The following DPRX variants were observed in gnomAD, a reference collection of about 807,000 sequenced individuals.
DPRX encodes divergent-paired related homeobox.
DPRX carries 11 observed loss-of-function variants against 8.4 expected under a neutral mutation model. The observed-to-expected ratio is 1.31, with a 90% confidence interval of 0.82 to 2.17. DPRX has a LOEUF of 2.17. Ranked by LOEUF, DPRX falls within the 30% of genes most tolerant of loss-of-function variation. The probability of loss-of-function intolerance (pLI) is 0.00; values close to 1 mark genes in which losing one functional copy is unlikely to be tolerated. For synonymous variants in DPRX, 72 were observed against 87.0 expected, an observed-to-expected ratio of 0.83 and a Z score of 0.96; for missense variants, 211 against 236.7, an observed-to-expected ratio of 0.89 and a Z score of 0.71.
the DPRX span, among the ~76,000 whole-genome samples, chr19:53,625,443 TCTC>T: frequency 3.3e-5 from 5 of 152,080 alleles, no homozygotes; most frequent in African/African-American, 9.6e-5. Flanking sequence ...CTTCGTCTCT[TCTC>T]CTGCTACCCT....
At chr19:53,637,003 C>A in exon 3 of DPRX, 1 of 1,578,486 alleles carries the variant, frequency 6.3e-7, no homozygotes, top group South Asian at 1.2e-5. Context: ...TACAAAAAGT[C>A]ACATGTTGTA....
the DPRX span, among the ~76,000 whole-genome samples, chr19:53,618,736 GC>G: frequency 1.3e-5 from 2 of 148,948 alleles, no homozygotes; most frequent in Admixed American, 1.3e-4. Context: ...AGGCTGGAGT[GC>G]AGTGGCACTA....
chr19:53,621,530 T>G, the DPRX span, among the ~76,000 whole-genome samples: 5 of 152,140 alleles, frequency 3.3e-5, no homozygotes. Flanking sequence ...GCATGGTGGC[T>G]CACGTCTATA....
At chr19:53,601,582 A>G in the DPRX span, among the ~76,000 whole-genome samples, 1 of 151,486 alleles carries the variant, frequency 6.6e-6, no homozygotes, top group Non-Finnish European at 1.5e-5. Context: ...CCTGGGTTCA[A>G]GCGATTCTCC....
upstream of DPRX, among the ~76,000 whole-genome samples, chr19:53,631,036 G>A (rs1315130442): frequency 6.6e-6 from 1 of 151,728 alleles, no homozygotes; most frequent in Non-Finnish European, 1.5e-5. Context: ...TAGTAGAGAT[G>A]GGGTTTCGCC....
chr19:53,622,416 C>T, the DPRX span, among the ~76,000 whole-genome samples: 1 of 152,070 alleles, frequency 6.6e-6, no homozygotes, highest in Non-Finnish European at 1.5e-5. Flanking sequence ...GCAGGAAGAT[C>T]ACTTGAGCCC....
In DPRX at chr19:53,636,898, C is replaced by T. The variant is rs10408805; in HGVS notation, c.486C>T (p.Cys162=). Residue 162 remains cysteine, a synonymous_variant, in exon 3 of 3, where the codon TGC becomes TGT. Transcript: ENST00000376650. The stretch of plus-strand genomic sequence containing the variant: ...GCTGCCGAGATCCTAATATATACTG[C>T]CTCTACCCCATTTTGGAATCCCAAG... The T allele has an allele frequency of 2.7e-3, 4,306 of 1,614,038 alleles. 95 individuals are homozygous for T. The African/African-American group carries it at 0.05, about 19-fold the overall frequency.
At chr19:53,623,881 C>T in the DPRX span, among the ~76,000 whole-genome samples, 3 of 151,392 alleles carry the variant, frequency 2.0e-5, no homozygotes, top group Non-Finnish European at 4.4e-5. Context: ...ACCCAGGAGG[C>T]AGGGGTTGCA....
intron 1 of DPRX, among the ~76,000 whole-genome samples, chr19:53,633,152 C>T (rs1282948845): frequency 3.9e-5 from 6 of 151,932 alleles, no homozygotes; most frequent in African/African-American, 1.4e-4. Context: ...AAAAATTAGC[C>T]GGGCATGTCA....
At chr19:53,606,569 G>A in the DPRX span, 1,924 of 152,340 alleles carry the variant, frequency 0.013, 61 homozygotes, top group East Asian at 0.15. This position sits in a 1 kb window ranked among gnomAD's most constrained non-coding sequence, Gnocchi z 4.8. Flanking sequence ...GGTGAGCGCC[G>A]CTGAGACACC....
rs910146732 is a variant in DPRX at position 53,636,514 on chromosome 19, A to C, written c.184-82A>C. 28 of 1,157,766 alleles carry C rather than the reference A, an allele frequency of 2.4e-5. No individual in the cohort carries two copies. The Admixed American group carries it at 6.6e-4, about 27-fold the overall frequency. The allele number at this position is 1,157,766 out of a possible 1,614,324, so 71.7% of individuals were successfully genotyped here. Reference sequence around the variant, plus strand: ...AATAAAATACGTTTAACAAAATAAAAATTAAAAAGTAAAAATTTTTTAAAA... The same window carrying C: ...AATAAAATACGTTTAACAAAATAAACATTAAAAAGTAAAAATTTTTTAAAA... On this transcript the variant is annotated intron_variant, in intron 2 of 2. Coordinates refer to ENST00000376650, the Ensembl canonical transcript of DPRX.
the DPRX span, among the ~76,000 whole-genome samples, chr19:53,608,850 G>C: frequency 6.6e-6 from 1 of 151,200 alleles, no homozygotes; most frequent in Non-Finnish European, 1.5e-5. Context: ...AGCTACTCGG[G>C]AGGCTGAGGC....
At chr19:53,615,562 C>T in the DPRX span, among the ~76,000 whole-genome samples, 6 of 151,904 alleles carry the variant, frequency 3.9e-5, no homozygotes, top group African/African-American at 1.2e-4. Context: ...ATTACAGGTG[C>T]GAGCCACTGT....
At chr19:53,632,205 G>C (rs2091095278) in intron 1 of DPRX, 71 bp downstream of exon 1, 3 of 1,610,322 alleles carry the variant, frequency 1.9e-6, no homozygotes, top group Non-Finnish European at 2.5e-6. Flanking sequence ...GGCGGGAAAA[G>C]GCAGAGGGAC....
At chr19:53,620,109 C>G in the DPRX span, among the ~76,000 whole-genome samples, 39 of 151,996 alleles carry the variant, frequency 2.6e-4, no homozygotes, top group Non-Finnish European at 4.7e-4. Context: ...TCGCTCTGTC[C>G]CCCAGGCTAG....
At chr19:53,608,976 G>A in the DPRX span, among the ~76,000 whole-genome samples, 24,560 of 80,376 alleles carry the variant, frequency 0.31, 2,471 homozygotes, top group Middle Eastern at 0.43. Context: ...AAAAAAAAAG[G>A]AAAGAAAAGA....
the DPRX span, among the ~76,000 whole-genome samples, chr19:53,622,752 C>T: frequency 4.6e-5 from 7 of 152,270 alleles, no homozygotes; most frequent in South Asian, 8.3e-4. Flanking sequence ...AAAGTGTTCC[C>T]TCTTCAAAAA....
At chr19:53,632,731 T>A (rs11084268) in intron 1 of DPRX, among the ~76,000 whole-genome samples, 65,286 of 151,746 alleles carry the variant, frequency 0.43, 14,517 homozygotes, top group African/African-American at 0.54. Flanking sequence ...GGCATGAGCC[T>A]CGGTGCCCGG....
chr19:53,606,495 A>G, the DPRX span: 3 of 152,402 alleles, frequency 2.0e-5, no homozygotes, highest in African/African-American at 7.2e-5. This position sits in a 1 kb window ranked among gnomAD's most constrained non-coding sequence, Gnocchi z 4.8. Context: ...GGGCCCATCC[A>G]ATGTGGACAA....
Sources: gnomAD v4.1 joint callset for allele counts (sites outside exome capture counted in the v4.1 genomes callset) on GRCh38, gnomAD v4.1.1 for gene constraint, Gnocchi (gnomAD v3.1) non-coding constraint, MANE v1.5 for transcripts, NCBI Gene and HGNC (gene_info 2026-07-23, HGNC 2026-07-21) for gene names.